FERMT3: variants seen among roughly 807,000 people sequenced by gnomAD.
FERMT3 encodes fermitin family homolog 3.
A neutral mutation model predicts 80.8 loss-of-function variants in FERMT3; 33 were observed. The ratio of observed to expected loss-of-function variants is 0.41; its 90% CI spans 0.31 to 0.55. The LOEUF (loss-of-function observed/expected upper bound fraction) is 0.55. Among genes scored for constraint, FERMT3 ranks in the 20% least tolerant of loss-of-function variants. FERMT3 has a pLI of 0.31. For missense variants in FERMT3, 754 were observed against 908.7 expected (o/e 0.83, Z 2.19); for synonymous variants, 375 against 372.2 (o/e 1.01, Z -0.09).
intron 1 of FERMT3, among the ~76,000 whole-genome samples, chr11:64,207,129 C>T (rs953452604): frequency 2.6e-5 from 4 of 152,190 alleles, no homozygotes; most frequent in South Asian, 2.1e-4. Flanking sequence ...AGGATGGGAG[C>T]GGATTGGACT....
At position 64,206,723 on chromosome 11, in the gene FERMT3, G is replaced by A. The variant is rs1460578866; in HGVS notation, c.-106G>A. On this transcript the variant is annotated 5_prime_UTR_variant, in exon 1 of 15. Coordinates refer to ENST00000345728, the MANE Select transcript of FERMT3 (RefSeq NM_031471.6). ...GGCACAAGCAAGGGCTGCCCTGAAG[G>A]AAGCTCCAAAGAGAAAGGAGGGCAG... 6.5e-6 allele frequency: 1 copy of A among 153,010 alleles called. No individual in the cohort carries two copies. Among genetic ancestry groups the A allele is most frequent in the Non-Finnish European group, 1.5e-5 (1 of 68,182 alleles). 9.5% of individuals were successfully genotyped at this position (153,010 alleles called of 1,614,324 possible). A position where few individuals can be genotyped will look rare whatever the true frequency, so the allele number is the denominator to read the frequency against.
intron 2 of FERMT3, among the ~76,000 whole-genome samples, chr11:64,209,642 A>C (rs915680669): frequency 2.6e-5 from 4 of 152,188 alleles, no homozygotes; most frequent in Admixed American, 6.5e-5. Flanking sequence ...TGGGAGGGGA[A>C]GTGCCGGAGG....
Position 64,210,638 on chromosome 11 carries a change from C to T in FERMT3, c.188C>T (p.Ala63Val). The change falls in exon 3 of 15, where the codon GCT becomes GTT. Residue 63 changes from alanine (A) to valine (V), a missense_variant. Physicochemically the swap from Ala to Val is moderately conservative, Grantham distance 64. Coordinates refer to ENST00000345728, the MANE Select transcript of FERMT3 (RefSeq NM_031471.6). This position sits in a 1 kb window ranked among gnomAD's most constrained non-coding sequence, Gnocchi z 4.3. The stretch of plus-strand genomic sequence containing the variant: ...CGCAAGCAGGACTGGTCAGACCATG[C>T]TATTTGGTGGGAACAGAAGAGGCAG... ...INRKQDWSDH[A>V]IWWEQKRQWL... 6.2e-7 allele frequency: 1 copy of T among 1,614,138 alleles called. No individual in the cohort carries two copies. The highest frequency in any genetic ancestry group is 8.5e-7 in the Non-Finnish European group (1 of 1,180,012).
At position 64,211,122 on chromosome 11, in the gene FERMT3, G is replaced by A. The variant is rs1454921431; in HGVS notation, c.465G>A (p.Lys155=). ...PEKKEKKKKE[K]EPEEELYDLS... Reference sequence around the variant, plus strand: ...AGAAGGAGAAGAAGAAGAAAGAGAAGGAGCCAGAGGAAGAGCTCTATGACT... The same window carrying A: ...AGAAGGAGAAGAAGAAGAAAGAGAAAGAGCCAGAGGAAGAGCTCTATGACT... Residue 155 remains lysine, a synonymous_variant, in exon 4 of 15, where the codon AAG becomes AAA. Transcript: ENST00000345728. The surrounding 1 kb of genome is among the most constrained non-coding windows in gnomAD (Gnocchi z 4.7). 6.4e-7 allele frequency: 1 copy of A among 1,559,360 alleles called. No individual in the cohort carries two copies. Among genetic ancestry groups the A allele is most frequent in the African/African-American group, 1.4e-5 (1 of 73,306 alleles).
intron 10 of FERMT3, 101 bp from the exon 11 acceptor site, chr11:64,220,119 G>A (rs1946645080): frequency 1.9e-6 from 3 of 1,576,358 alleles, no homozygotes; most frequent in Admixed American, 3.3e-5. Flanking sequence ...CGGGGAAGAT[G>A]CCCTCTGTCC....
intron 6 of FERMT3, among the ~76,000 whole-genome samples, chr11:64,213,825 G>A (rs1375275241): frequency 6.6e-6 from 1 of 152,076 alleles, no homozygotes; most frequent in African/African-American, 2.4e-5. Flanking sequence ...GCCTCCCAAA[G>A]TGCTGGGATT....
chr11:64,213,385 C>T (rs1199333709), intron 6 of FERMT3, among the ~76,000 whole-genome samples: 2 of 149,664 alleles, frequency 1.3e-5, no homozygotes, highest in Non-Finnish European at 3.0e-5. Context: ...AGGTGATCCA[C>T]CCGCCTCAGC....
chr11:64,218,676 T>G (rs1307531759), intron 6 of FERMT3, among the ~76,000 whole-genome samples: 1 of 152,240 alleles, frequency 6.6e-6, no homozygotes, highest in Non-Finnish European at 1.5e-5. Context: ...GCGGGATTGT[T>G]GGTCTTCTGT....
chr11:64,220,731 G>C, intron 12 of FERMT3, 62 bp downstream of exon 12: 1 of 1,465,208 alleles, frequency 6.8e-7, no homozygotes, highest in Non-Finnish European at 9.4e-7. Flanking sequence ...CTGACCCCTG[G>C]GTCTCCACAG....
At chr11:64,216,855 A>G (rs1476250823) in intron 6 of FERMT3, among the ~76,000 whole-genome samples, 1 of 150,742 alleles carries the variant, frequency 6.6e-6, no homozygotes, top group Non-Finnish European at 1.5e-5. Context: ...TTTGTACTCT[A>G]CAAGGATTTT....
intron 6 of FERMT3, among the ~76,000 whole-genome samples, chr11:64,212,435 C>T (rs757574268): frequency 9.2e-5 from 14 of 152,178 alleles, no homozygotes; most frequent in African/African-American, 1.7e-4. Flanking sequence ...GGGTGCTGTT[C>T]GACTCCCTCT....
intron 14 of FERMT3, 27 bp downstream of exon 14, chr11:64,223,216 T>A: frequency 6.2e-7 from 1 of 1,613,520 alleles, no homozygotes; most frequent in Non-Finnish European, 8.5e-7. Flanking sequence ...GGTATATGGA[T>A]GGGGGACAGG....
intron 6 of FERMT3, among the ~76,000 whole-genome samples, chr11:64,214,375 C>T (rs1010859081): frequency 1.3e-5 from 2 of 151,206 alleles, no homozygotes; most frequent in African/African-American, 2.4e-5. Context: ...GATGGAGTCT[C>T]GCTCTTGTTG....
intron 12 of FERMT3, 141 bp from the exon 13 acceptor site, chr11:64,220,875 A>G (rs1946666602): frequency 1.3e-6 from 2 of 1,482,242 alleles, no homozygotes; most frequent in Admixed American, 3.5e-5. Context: ...GGCGCAGTGC[A>G]GATCTGCACC....
At position 64,219,172 on chromosome 11, in the gene FERMT3, G is replaced by A; in HGVS notation, c.787-79G>A. On this transcript the variant is annotated intron_variant, in intron 6 of 14. Transcript: ENST00000345728. The surrounding 1 kb of genome is among the most constrained non-coding windows in gnomAD (Gnocchi z 4.0). ...AGGGCAGGGCAGAGGGCCAAGGCTG[G>A]CAGGGGCTCAGTGCAGGGCGTCCAG... 7.3e-7 allele frequency: 1 copy of A among 1,379,186 alleles called. No individual in the cohort carries two copies. The highest frequency in any genetic ancestry group is 1.0e-6 in the Non-Finnish European group (1 of 995,510). The allele number at this position is 1,379,186 out of a possible 1,614,324, so 85.4% of individuals were successfully genotyped here.
Position 64,210,757 on chromosome 11 carries a change from C to G in FERMT3, c.307C>G (p.Arg103Gly). 6.2e-7 allele frequency: 1 copy of G among 1,614,148 alleles called. No homozygotes were observed. Residue 103 changes from arginine (R) to glycine (G), a missense_variant, in exon 3 of 15, where the codon CGG becomes GGG. Arg to Gly is a moderately radical substitution (Grantham distance 125, BLOSUM62 -2). Transcript: ENST00000345728. The surrounding 1 kb of genome is among the most constrained non-coding windows in gnomAD (Gnocchi z 4.3). The stretch of plus-strand genomic sequence containing the variant: ...GCCCCAGCACCGGCCCGTCATCCTT[C>G]GGTTGCCCAACCGCCGCGCACTGCG... ...FGPQHRPVIL[R>G]LPNRRALRLR... is the part of the protein sequence containing the mutation.
intron 2 of FERMT3, among the ~76,000 whole-genome samples, chr11:64,209,741 G>A (rs1240940025): frequency 6.6e-6 from 1 of 152,178 alleles, no homozygotes; most frequent in African/African-American, 2.4e-5. Context: ...GTGGGATGCA[G>A]TGGGAATCAG....
chr11:64,220,345 G>A lies in FERMT3; in HGVS notation c.1311+19G>A. 6.2e-7 allele frequency: 1 copy of A among 1,611,918 alleles called. No homozygotes were observed. The highest frequency in any genetic ancestry group is 8.5e-7 in the Non-Finnish European group (1 of 1,178,608). Reference sequence around the variant, plus strand: ...CCAGGATGTGAGTGAGGGCTGGGCAGGGGCCAGGGCCGGGCAGGAGCTGGG... The same window carrying A: ...CCAGGATGTGAGTGAGGGCTGGGCAAGGGCCAGGGCCGGGCAGGAGCTGGG... On this transcript the variant is annotated intron_variant, in intron 11 of 14. Coordinates refer to ENST00000345728, the MANE Select transcript of FERMT3 (RefSeq NM_031471.6).
chr11:64,208,785 G>A (rs1406590857), intron 2 of FERMT3, among the ~76,000 whole-genome samples: 2 of 152,202 alleles, frequency 1.3e-5, no homozygotes, highest in African/African-American at 4.8e-5. Flanking sequence ...TGGTGAGGAT[G>A]CTGGGAGCGT....
Sources: allele counts gnomAD v4.1 joint callset (sites outside exome capture counted in the v4.1 genomes callset), GRCh38; gene constraint gnomAD v4.1.1; non-coding constraint Gnocchi (gnomAD v3.1); transcripts MANE v1.5; gene names NCBI Gene and HGNC (gene_info 2026-07-23, HGNC 2026-07-21).